The following GRM3 variants were observed in gnomAD, a reference collection of about 807,000 sequenced individuals.
GRM3 encodes the protein glutamate metabotropic receptor 3.
A neutral mutation model predicts 70.5 loss-of-function variants in GRM3; 26 were observed. That is an observed-to-expected ratio of 0.37 (90% CI 0.27 to 0.51). GRM3 has a LOEUF of 0.51. GRM3 is among the 20% of genes least tolerant of loss of function. GRM3 has a pLI of 0.93. For missense variants in GRM3, 859 were observed against 1,123.8 expected, an observed-to-expected ratio of 0.76 and a Z score of 3.37; for synonymous variants, 443 against 434.9, an observed-to-expected ratio of 1.02 and a Z score of -0.23.
chr7:86,855,791 G>A (rs1197348473), intron 5 of GRM3, among the ~76,000 whole-genome samples: 2 of 152,088 alleles, frequency 1.3e-5, no homozygotes, highest in African/African-American at 4.8e-5. Flanking sequence ...GTTAGCAGGG[G>A]GCAAGCCATT....
chr7:86,766,454 G>A (rs745747978), intron 2 of GRM3, among the ~76,000 whole-genome samples: 5 of 150,904 alleles, frequency 3.3e-5, no homozygotes, highest in African/African-American at 7.3e-5. Flanking sequence ...TCATAATTTT[G>A]TTGGGAAAGA....
chr7:86,676,143 C>A (rs1355087036), intron 1 of GRM3, among the ~76,000 whole-genome samples: 3 of 151,676 alleles, frequency 2.0e-5, no homozygotes, highest in African/African-American at 7.3e-5. Flanking sequence ...GCAGAAGCTA[C>A]ATGAATTTCA....
At chr7:86,695,756 C>T (rs1200640595) in intron 1 of GRM3, among the ~76,000 whole-genome samples, 1 of 152,064 alleles carries the variant, frequency 6.6e-6, no homozygotes. Flanking sequence ...TTTTCTAACA[C>T]TTACTAGGAG....
At chr7:86,808,259 A>G (rs1337506920) in intron 3 of GRM3, among the ~76,000 whole-genome samples, 1 of 152,182 alleles carries the variant, frequency 6.6e-6, no homozygotes, top group African/African-American at 2.4e-5. Context: ...TGCTGGCCTC[A>G]TAAAATGAGT....
chr7:86,689,523 CTT>C (rs1794648832), intron 1 of GRM3, among the ~76,000 whole-genome samples: 1 of 152,026 alleles, frequency 6.6e-6, no homozygotes. Flanking sequence ...TACCATGTAA[CTT>C]TGTCTTTGAA....
At chr7:86,838,422 T>C (rs1798499062) in intron 3 of GRM3, among the ~76,000 whole-genome samples, 1 of 152,200 alleles carries the variant, frequency 6.6e-6, no homozygotes, top group Non-Finnish European at 1.5e-5. Context: ...TGAAAATATT[T>C]AAGATGGGAA....
intron 1 of GRM3, among the ~76,000 whole-genome samples, chr7:86,650,344 AT>A (rs1211601257): frequency 6.6e-6 from 1 of 151,968 alleles, no homozygotes; most frequent in African/African-American, 2.4e-5. Context: ...TTGCCTCACA[AT>A]TTTTTAATTT....
At chr7:86,702,846 T>C (rs1360755375) in intron 1 of GRM3, among the ~76,000 whole-genome samples, 1 of 151,978 alleles carries the variant, frequency 6.6e-6, no homozygotes, top group Non-Finnish European at 1.5e-5. Context: ...AAAGTGAGCC[T>C]GTGTGTCAAG....
At chr7:86,692,726 T>C (rs1189685456) in intron 1 of GRM3, among the ~76,000 whole-genome samples, 2 of 152,240 alleles carry the variant, frequency 1.3e-5, no homozygotes, top group Admixed American at 1.3e-4. Context: ...GCCTGGTACA[T>C]ACTAGGCACA....
chr7:86,734,784 C>T (rs189123714), intron 1 of GRM3, among the ~76,000 whole-genome samples: 1 of 152,192 alleles, frequency 6.6e-6, no homozygotes, highest in Non-Finnish European at 1.5e-5. Flanking sequence ...TTTTCATTTC[C>T]ACTTCCATAG....
chr7:86,791,432 G>C (rs1584247116), intron 3 of GRM3, among the ~76,000 whole-genome samples: 1 of 152,118 alleles, frequency 6.6e-6, no homozygotes, highest in Non-Finnish European at 1.5e-5. Context: ...TTTCATTTGA[G>C]ATAAATGTAA....
chr7:86,836,133 G>A (rs1798451749), intron 3 of GRM3, among the ~76,000 whole-genome samples: 1 of 152,168 alleles, frequency 6.6e-6, no homozygotes, highest in African/African-American at 2.4e-5. Context: ...TAGTAAGATT[G>A]TGGAGAATGG....
At chr7:86,703,932 G>T (rs1212058080) in intron 1 of GRM3, among the ~76,000 whole-genome samples, 1 of 151,774 alleles carries the variant, frequency 6.6e-6, no homozygotes, top group Non-Finnish European at 1.5e-5. Context: ...ATGAAATGCT[G>T]CCTCCCATTC....
At chr7:86,772,066 T>C (rs1267180264) in intron 2 of GRM3, among the ~76,000 whole-genome samples, 5 of 152,136 alleles carry the variant, frequency 3.3e-5, no homozygotes, top group Admixed American at 2.6e-4. Flanking sequence ...TAAATATAAC[T>C]GTTCATTTGC....
chr7:86,674,902 A>G (rs1254457323), intron 1 of GRM3, among the ~76,000 whole-genome samples: 2 of 152,112 alleles, frequency 1.3e-5, no homozygotes, highest in Non-Finnish European at 2.9e-5. Context: ...ATTAAGTCCC[A>G]ATGCATTTAT....
intron 2 of GRM3, among the ~76,000 whole-genome samples, chr7:86,783,137 T>A (rs1797120460): frequency 6.6e-6 from 1 of 152,182 alleles, no homozygotes; most frequent in African/African-American, 2.4e-5. Flanking sequence ...AGTTAACAAC[T>A]ACCTGGATAT....
At chr7:86,672,705 C>G (rs1311741222) in intron 1 of GRM3, among the ~76,000 whole-genome samples, 1 of 152,096 alleles carries the variant, frequency 6.6e-6, no homozygotes, top group Non-Finnish European at 1.5e-5. Flanking sequence ...AACTAGCTCT[C>G]AAAGCATCAC....
At chr7:86,754,575 A>G (rs1796301444) in intron 1 of GRM3, among the ~76,000 whole-genome samples, 1 of 152,172 alleles carries the variant, frequency 6.6e-6, no homozygotes, top group Non-Finnish European at 1.5e-5. Context: ...ATGTAAGGGT[A>G]TAAATGGGAT....
At position 86,864,265 on chromosome 7, in the gene GRM3, C is replaced by G; in HGVS notation, c.2567-17C>G. On this transcript the variant is annotated splice_polypyrimidine_tract_variant and intron_variant, in intron 5 of 5. Coordinates refer to ENST00000361669, the MANE Select transcript of GRM3 (RefSeq NM_000840.3). ...ACTTGACTAACTTTGAGTTTTCTGT[C>G]CCACTTTGTTTTCCAGCCTCTGCAA... 1 of 1,360,500 alleles carries G rather than the reference C, an allele frequency of 7.4e-7. No homozygotes were observed. Among genetic ancestry groups the G allele is most frequent in the South Asian group, 1.2e-5 (1 of 85,924 alleles). The allele number at this position is 1,360,500 out of a possible 1,614,324, so 84.3% of individuals were successfully genotyped here.
Sources: gnomAD v4.1 joint callset for allele counts (sites outside exome capture counted in the v4.1 genomes callset) on GRCh38, gnomAD v4.1.1 for gene constraint, MANE v1.5 for transcripts, NCBI Gene and HGNC (gene_info 2026-07-23, HGNC 2026-07-21) for gene names.